BCAM: variants seen among roughly 807,000 people sequenced by gnomAD.
BCAM encodes the protein basal cell adhesion molecule.
BCAM carries 61 observed loss-of-function variants against 72.4 expected under a neutral mutation model. The ratio of observed to expected loss-of-function variants is 0.84; its 90% CI spans 0.69 to 1.04. BCAM has a LOEUF of 1.04. Among genes scored for constraint, BCAM ranks in the 50% least tolerant of loss-of-function variants. The pLI is 0.00. For missense variants in BCAM, 909 were observed against 895.0 expected, an observed-to-expected ratio of 1.02 and a Z score of -0.20; for synonymous variants, 408 against 384.2, an observed-to-expected ratio of 1.06 and a Z score of -0.73.
rs191430611 is a variant in BCAM, at chr19:44,811,243, G to A, written c.101G>A (p.Arg34His). Residue 34 changes from arginine (R) to histidine (H), a missense_variant, in exon 2 of 15, where the codon CGC (arginine) becomes CAC (histidine). Coordinates refer to ENST00000270233, the MANE Select transcript of BCAM (RefSeq NM_005581.5). Reference sequence around the variant, plus strand: ...CTTGCAGATGCCCAGGCGGAGGTGCGCTTGTCTGTACCCCCGCTGGTGGAG... The same window carrying A: ...CTTGCAGATGCCCAGGCGGAGGTGCACTTGTCTGTACCCCCGCTGGTGGAG... Reference protein sequence around the residue: ...AAHPDAQAEVRLSVPPLVEVM... With the variant: ...AAHPDAQAEVHLSVPPLVEVM... 153 of 1,607,838 alleles carry A rather than the reference G, an allele frequency of 9.5e-5. 1 individual carries two copies. The highest frequency in any genetic ancestry group is 4.1e-4 in the Middle Eastern group (2 of 4,896).
Position 44,814,883 on chromosome 19 carries a change from G to A in BCAM, c.1078+123G>A. On this transcript the variant is annotated intron_variant, in intron 8 of 14. Transcript: ENST00000270233. The surrounding 1 kb of genome is among the most constrained non-coding windows in gnomAD (Gnocchi z 4.6). ...ACACTCTGCCTTCAACCCTTTCTCT[G>A]CATTTCTTGGGGGTTTTTTTGGTTG... 9.6e-7 allele frequency: 1 copy of A among 1,039,722 alleles called. No homozygotes were observed. Among genetic ancestry groups the A allele is most frequent in the Non-Finnish European group, 1.3e-6 (1 of 797,544 alleles). The allele number at this position is 1,039,722 out of a possible 1,614,324, so 64.4% of individuals were successfully genotyped here.
chr19:44,816,226 C>A (rs1968502415), intron 8 of BCAM, among the ~76,000 whole-genome samples: 1 of 151,986 alleles, frequency 6.6e-6, no homozygotes, highest in African/African-American at 2.4e-5. Context: ...AGGAGAATCG[C>A]TTGAACCCAG....
Position 44,820,728 on chromosome 19 carries a change from G to C in BCAM, c.1787G>C (p.Ser596Thr), listed in dbSNP as rs1187298116. The C allele has an allele frequency of 2.1e-6, 3 of 1,442,030 alleles. No homozygotes were observed. The highest frequency in any genetic ancestry group is 1.4e-5 in the African/African-American group (1 of 69,584). The allele number at this position is 1,442,030 out of a possible 1,614,324, so 89.3% of individuals were successfully genotyped here. The change falls in exon 14 of 15, where the codon AGC becomes ACC. Residue 596 changes from serine to threonine, a missense_variant. Transcript: ENST00000270233. ...GAPPPGEPGLSHSGSEQPEQT... is the reference protein window; with the variant it reads ...GAPPPGEPGLTHSGSEQPEQT... ...AGGCCGCCAGGGGAGCCAGGGCTGAGCCACTCGGGGTCGGAGCAACCAGAG... is the reference window on the plus strand; with the variant it reads ...AGGCCGCCAGGGGAGCCAGGGCTGACCCACTCGGGGTCGGAGCAACCAGAG...
intron 1 of BCAM, among the ~76,000 whole-genome samples, chr19:44,810,273 C>T (rs1968399685): frequency 6.6e-6 from 1 of 152,122 alleles, no homozygotes; most frequent in African/African-American, 2.4e-5. Context: ...TTCCCAAGAT[C>T]CTGGGCCTCA....
At chr19:44,820,496 C>T (rs559605606) in intron 13 of BCAM, 1 of 1,265,222 alleles carries the variant, frequency 7.9e-7, no homozygotes, top group East Asian at 3.1e-5. Flanking sequence ...ACCTCCAACC[C>T]CAATAGCATC....
chr19:44,820,368 A>AG, intron 13 of BCAM: 3 of 1,106,120 alleles, frequency 2.7e-6, no homozygotes, highest in Non-Finnish European at 3.3e-6. Flanking sequence ...CCAACCCCTA[A>AG]GCCTCCCCAA....
In BCAM at chr19:44,814,908, GTT is replaced by G. The variant is rs78735883; in HGVS notation, c.1078+166_1078+167del. On this transcript the variant is annotated intron_variant, in intron 8 of 14. Coordinates refer to ENST00000270233, the MANE Select transcript of BCAM (RefSeq NM_005581.5). This position sits in a 1 kb window ranked among gnomAD's most constrained non-coding sequence, Gnocchi z 4.6. Reference sequence around the variant, plus strand: ...GCATTTCTTGGGGGTTTTTTTGGTTGTTTTTTTTTTTTTTTTTTTCCCAGAGA... The same window carrying G: ...GCATTTCTTGGGGGTTTTTTTGGTTGTTTTTTTTTTTTTTTTTCCCAGAGA... 0.02 allele frequency: 10,142 copies of G among 507,786 alleles called. No individual in the cohort carries two copies. The highest frequency in any genetic ancestry group is 0.029 in the Middle Eastern group (48 of 1,640). The allele number at this position is 507,786 out of a possible 1,614,324, so 31.5% of individuals were successfully genotyped here.
In BCAM at chr19:44,810,845, T is replaced by C. The variant is rs554903110; in HGVS notation, c.83-380T>C. On this transcript the variant is annotated intron_variant, in intron 1 of 14. Coordinates refer to ENST00000270233, the MANE Select transcript of BCAM (RefSeq NM_005581.5). ...TGAGCTCTGCAAGTGCAGGGAGAGA[T>C]GGATTTGAGACCCAGAGATGCAGGG... Among the ~76,000 whole-genome samples the C allele has an allele frequency of 2.0e-5, 3 of 151,456 alleles. No individual in the cohort carries two copies. The South Asian group carries it at 6.3e-4, about 32-fold the overall frequency.
rs542634988 is a variant in BCAM, at chr19:44,818,889, G to A, written c.1336+7G>A. On this transcript the variant is annotated splice_region_variant and intron_variant, in intron 10 of 14. Coordinates refer to ENST00000270233, the MANE Select transcript of BCAM (RefSeq NM_005581.5). The surrounding 1 kb of genome is among the most constrained non-coding windows in gnomAD (Gnocchi z 4.6). The stretch of plus-strand genomic sequence containing the variant: ...TTCACGCTGCTGGTCCAAGGTTCAG[G>A]GGGCAGGGAGGGGGTGGGCTTGGAT... 6.2e-7 allele frequency: 1 copy of A among 1,612,576 alleles called. No individual in the cohort carries two copies. Among genetic ancestry groups the A allele is most frequent in the Admixed American group, 1.7e-5 (1 of 59,908 alleles).
In BCAM at chr19:44,818,688, C is replaced by T. The variant is rs367831700; in HGVS notation, c.1194+51C>T. 1.2e-5 allele frequency: 20 copies of T among 1,611,936 alleles called. No homozygotes were observed. The highest frequency in any genetic ancestry group is 1.7e-5 in the Non-Finnish European group (20 of 1,178,494). Reference sequence around the variant, plus strand: ...GCCCTGCACTCGCACCCTCCTCTCTCCCCTCACTCCTCGCCCTCTCACAGC... The same window carrying T: ...GCCCTGCACTCGCACCCTCCTCTCTTCCCTCACTCCTCGCCCTCTCACAGC... On this transcript the variant is annotated intron_variant, in intron 9 of 14. Coordinates refer to ENST00000270233, the MANE Select transcript of BCAM (RefSeq NM_005581.5). This position sits in a 1 kb window ranked among gnomAD's most constrained non-coding sequence, Gnocchi z 4.6.
intron 1 of BCAM, among the ~76,000 whole-genome samples, chr19:44,810,346 G>A (rs1050831958): frequency 1.3e-5 from 2 of 152,112 alleles, no homozygotes; most frequent in Admixed American, 6.5e-5. Flanking sequence ...ACTGAGGGGG[G>A]CCAAGAGGCG....
At position 44,814,722 on chromosome 19, in the gene BCAM, A is replaced by G. The variant is rs769936617; in HGVS notation, c.1040A>G (p.Asp347Gly). The change falls in exon 8 of 15, where the codon GAC becomes GGC. Residue 347 changes from aspartate to glycine, a missense_variant. Coordinates refer to ENST00000270233, the MANE Select transcript of BCAM (RefSeq NM_005581.5). The surrounding 1 kb of genome is among the most constrained non-coding windows in gnomAD (Gnocchi z 4.6). ...CRVEDYDAADDVQLSKTLELR... is the reference protein window; with the variant it reads ...CRVEDYDAADGVQLSKTLELR... ...GTGGAGGATTACGACGCGGCAGATG[A>G]CGTGCAGCTCTCCAAGACGCTGGAG... 2 of 1,613,736 alleles carry G rather than the reference A, an allele frequency of 1.2e-6. No homozygotes were observed. Among genetic ancestry groups the G allele is most frequent in the Admixed American group, 1.7e-5 (1 of 60,010 alleles).
At chr19:44,820,050 A>C in intron 13 of BCAM, 2 of 1,190,664 alleles carry the variant, frequency 1.7e-6, no homozygotes, top group South Asian at 3.0e-5. Flanking sequence ...CCTCATCCCC[A>C]ACTCCATGCC....
rs1447869303 is a variant in BCAM, at chr19:44,811,540, C to G, written c.204+194C>G. On this transcript the variant is annotated intron_variant, in intron 2 of 14. Transcript: ENST00000270233. Reference sequence around the variant, plus strand: ...CTAGGCACAGCCAAGTCTAGAATGACATTGACCTGCTCTGGACTGCGGGCT... The same window carrying G: ...CTAGGCACAGCCAAGTCTAGAATGAGATTGACCTGCTCTGGACTGCGGGCT... 3.6e-6 allele frequency: 3 copies of G among 831,232 alleles called. No individual in the cohort carries two copies. In the Admixed American group the frequency reaches 7.8e-5, roughly 22 times the overall value. The allele number at this position is 831,232 out of a possible 1,614,324, so 51.5% of individuals were successfully genotyped here.
At chr19:44,820,214 C>A (rs117112681) in intron 13 of BCAM, 32,399 of 1,006,176 alleles carry the variant, frequency 0.032, 583 homozygotes, top group Middle Eastern at 0.037. Flanking sequence ...CTGAGCTCAC[C>A]CTTAACTCCA....
chr19:44,814,678 C>G lies in BCAM; in HGVS notation c.996C>G (p.Ser332Arg). 1.9e-6 allele frequency: 3 copies of G among 1,614,020 alleles called. No homozygotes were observed. The highest frequency in any genetic ancestry group is 2.5e-6 in the Non-Finnish European group (3 of 1,180,004). The change falls in exon 8 of 15, where the codon AGC becomes AGG. Residue 332 changes from serine (S) to arginine (R), a missense_variant. By Grantham distance (110) the Ser-to-Arg change is moderately radical (BLOSUM62 -1). Coordinates refer to ENST00000270233, the MANE Select transcript of BCAM (RefSeq NM_005581.5). The surrounding 1 kb of genome is among the most constrained non-coding windows in gnomAD (Gnocchi z 4.6). Reference protein sequence around the residue: ...LTLEGVTRGQSGTYGCRVEDY... With the variant: ...LTLEGVTRGQRGTYGCRVEDY... The stretch of plus-strand genomic sequence containing the variant: ...TGGAGGGAGTGACCCGGGGCCAGAG[C>G]GGGACCTATGGCTGCAGAGTGGAGG...
rs979569013 is a variant in BCAM at position 44,818,330 on chromosome 19, C to T, written c.1079-192C>T. The stretch of plus-strand genomic sequence containing the variant: ...TGGGCATGTCAATGTTGGGGTTAGA[C>T]TGCTAGATTTTTGGTTGGAGAGCCT... On this transcript the variant is annotated intron_variant, in intron 8 of 14. Transcript: ENST00000270233. This position sits in a 1 kb window ranked among gnomAD's most constrained non-coding sequence, Gnocchi z 4.6. Among the ~76,000 whole-genome samples, 1 of 152,172 alleles carries T rather than the reference C, an allele frequency of 6.6e-6. No individual in the cohort carries two copies. Among genetic ancestry groups the T allele is most frequent in the Non-Finnish European group, 1.5e-5 (1 of 68,038 alleles).
At chr19:44,811,753 C>T in intron 2 of BCAM, 1 of 312,576 alleles carries the variant, frequency 3.2e-6, no homozygotes, top group Non-Finnish European at 6.0e-6. Flanking sequence ...GGCGTGATGG[C>T]ATGTGCCTGT....
upstream of BCAM, chr19:44,809,077 C>A: frequency 7.7e-7 from 1 of 1,304,884 alleles, no homozygotes; most frequent in Non-Finnish European, 9.7e-7. Context: ...CCCAGCCCCG[C>A]AGCGGCCGAG....
Sources: allele counts gnomAD v4.1 joint callset (sites outside exome capture counted in the v4.1 genomes callset), GRCh38; gene constraint gnomAD v4.1.1; non-coding constraint Gnocchi (gnomAD v3.1); transcripts MANE v1.5; gene names NCBI Gene and HGNC (gene_info 2026-07-23, HGNC 2026-07-21).